The following MCF2L variants were observed in gnomAD, a reference collection of about 807,000 sequenced individuals.
MCF2L encodes the protein MCF.2 cell line derived transforming sequence like.
A neutral mutation model predicts 153.4 loss-of-function variants in MCF2L; 97 were observed. The observed-to-expected ratio is 0.63, with a 90% CI of 0.54 to 0.75. The LOEUF (loss-of-function observed/expected upper bound fraction) is 0.75. Ranked by LOEUF, MCF2L falls within the 30% of genes least tolerant of loss-of-function variation. The pLI is 0.00. For missense variants in MCF2L, 1,347 were observed against 1,495.2 expected (o/e 0.90, Z 1.64); for synonymous variants, 659 against 632.2 (o/e 1.04, Z -0.64).
At position 113,098,951 on chromosome 13, in the gene MCF2L, G is replaced by A. The variant is rs752282050; in HGVS notation, c.*2092G>A. ...GTAACGGAAGAGACAGCCCAGATGT[G>A]TCTGGCTCACAACAGACGTGATCAT... On this transcript the variant is annotated 3_prime_UTR_variant, in exon 30 of 30. Coordinates refer to ENST00000535094, the MANE Select transcript of MCF2L (RefSeq NM_001112732.3). 2 of 152,292 alleles carry A rather than the reference G, an allele frequency of 1.3e-5. No homozygotes were observed. Among genetic ancestry groups the A allele is most frequent in the African/African-American group, 2.4e-5 (1 of 41,464 alleles). 9.4% of individuals were successfully genotyped at this position (152,292 alleles called of 1,614,324 possible). A position where few individuals can be genotyped will look rare whatever the true frequency, so the allele number is the denominator to read the frequency against.
intron 2 of MCF2L, among the ~76,000 whole-genome samples, chr13:113,021,862 G>A (rs1322871846): frequency 6.6e-6 from 1 of 152,214 alleles, no homozygotes; most frequent in Non-Finnish European, 1.5e-5. Flanking sequence ...TTGAGGCTGT[G>A]GTGGAGCACA....
intron 1 of MCF2L, among the ~76,000 whole-genome samples, chr13:112,989,221 G>C (rs1310218372): frequency 4.2e-5 from 3 of 71,484 alleles, no homozygotes; most frequent in Non-Finnish European, 9.5e-5. Flanking sequence ...TACCACACCG[G>C]AGTCCTCCCT....
At chr13:113,044,706 A>G in intron 3 of MCF2L, 1 of 1,612,874 alleles carries the variant, frequency 6.2e-7, no homozygotes, top group Non-Finnish European at 8.5e-7. Flanking sequence ...ACAACGCGCA[A>G]GTGTGGTCTC....
intron 3 of MCF2L, among the ~76,000 whole-genome samples, chr13:113,030,707 C>T (rs2085631329): frequency 6.6e-6 from 1 of 152,226 alleles, no homozygotes; most frequent in South Asian, 2.1e-4. Flanking sequence ...GCCCTTCCTA[C>T]TCCTAATGGA....
At chr13:112,937,334 A>T (rs1394815235) in intron 2 of MCF2L, among the ~76,000 whole-genome samples, 2 of 152,204 alleles carry the variant, frequency 1.3e-5, no homozygotes, top group South Asian at 4.1e-4. Flanking sequence ...GGATGATTAC[A>T]TATATTTTTT....
intron 15 of MCF2L, among the ~76,000 whole-genome samples, chr13:113,079,070 C>T (rs987872851): frequency 6.6e-6 from 1 of 152,188 alleles, no homozygotes; most frequent in African/African-American, 2.4e-5. Flanking sequence ...GGAGACACCA[C>T]TCAAAGGCCC....
intron 26 of MCF2L, among the ~76,000 whole-genome samples, chr13:113,092,252 C>T (rs1438591325): frequency 1.3e-5 from 2 of 152,270 alleles, no homozygotes; most frequent in African/African-American, 4.8e-5. Context: ...CAAGCTCAGC[C>T]TCTGCTTCCG....
At chr13:112,948,333 T>C (rs2081658114) in intron 2 of MCF2L, among the ~76,000 whole-genome samples, 1 of 152,248 alleles carries the variant, frequency 6.6e-6, no homozygotes, top group Non-Finnish European at 1.5e-5. Context: ...TAAATCTTTA[T>C]ATTCTGCTTC....
rs201082981 is a variant in MCF2L, at chr13:112,929,160, T to A, written c.169+26789T>A. ...TGCCTGCACAGGGAGCTCCAGCTGT[T>A]GGCTCATTTTGCCTTTTCCTGCCAT... is the stretch of plus-strand genomic sequence containing the variant. On this transcript the variant is annotated intron_variant, in intron 2 of 29. Coordinates refer to the MCF2L transcript ENST00000375608. Among the ~76,000 whole-genome samples the A allele has an allele frequency of 3.9e-5, 6 of 152,352 alleles. No homozygotes were observed. In the East Asian group the frequency reaches 1.2e-3, roughly 29 times the overall value.
intron 1 of MCF2L, chr13:112,979,428 C>T (rs1486986027): frequency 1.7e-5 from 24 of 1,401,068 alleles, no homozygotes; most frequent in Non-Finnish European, 1.9e-5. Context: ...TCTGGGAGGC[C>T]GGGCACTCTG....
At chr13:113,018,332 C>T (rs1444363533) in intron 2 of MCF2L, among the ~76,000 whole-genome samples, 1 of 152,226 alleles carries the variant, frequency 6.6e-6, no homozygotes, top group Non-Finnish European at 1.5e-5. Context: ...GCCCCAAAAG[C>T]GCTTCGCTTA....
intron 18 of MCF2L, chr13:113,084,434 G>A (rs2034445751): frequency 3.0e-6 from 1 of 337,700 alleles, no homozygotes; most frequent in Non-Finnish European, 5.4e-6. Context: ...AAAACCTTCT[G>A]TGCCCCTAGA....
intron 2 of MCF2L, among the ~76,000 whole-genome samples, chr13:113,020,770 ATATGTGTAGCTGTGTG>A (rs1415219478): frequency 1.3e-5 from 2 of 151,978 alleles, no homozygotes; most frequent in Non-Finnish European, 2.9e-5. Flanking sequence ...ATAACAGTGT[ATATGTGTAGCTGTGTG>A]TATGTGTAGA....
At chr13:113,078,633 G>C (rs112170393) in intron 14 of MCF2L, 33 bp from the exon 15 acceptor site, 2 of 1,597,492 alleles carry the variant, frequency 1.3e-6, no homozygotes, top group Admixed American at 3.4e-5. Context: ...GTTCCGTCCC[G>C]CCTTTCAGAC....
intron 2 of MCF2L, 71 bp from the exon 3 acceptor site, chr13:113,024,573 G>C (rs1216048409): frequency 3.3e-6 from 3 of 900,896 alleles, no homozygotes; most frequent in Admixed American, 3.7e-5. Context: ...TGATGAAAAC[G>C]GGCCGACATC....
In MCF2L at chr13:113,064,999, G is replaced by A. The variant is rs144305393; in HGVS notation, c.670G>A (p.Glu224Lys). Reference protein sequence around the residue: ...TAQMLQSFGTELAETELPNDV... With the variant: ...TAQMLQSFGTKLAETELPNDV... ...TCAGATGCTGCAGTCCTTCGGGACCGAGCTGGCTGAAACAGAGCTGCCCAA... is the reference window on the plus strand; with the variant it reads ...TCAGATGCTGCAGTCCTTCGGGACCAAGCTGGCTGAAACAGAGCTGCCCAA... The change falls in exon 7 of 30, where the codon GAG becomes AAG. Residue 224 changes from glutamate to lysine, a missense_variant. Transcript: ENST00000535094. This position sits in a 1 kb window ranked among gnomAD's most constrained non-coding sequence, Gnocchi z 6.0. 1.4e-4 allele frequency: 220 copies of A among 1,613,040 alleles called. No individual in the cohort carries two copies. Among genetic ancestry groups the A allele is most frequent in the Middle Eastern group, 1.6e-4 (1 of 6,062 alleles).
intron 1 of MCF2L, among the ~76,000 whole-genome samples, chr13:112,988,833 G>C (rs1310162344): frequency 2.8e-4 from 24 of 84,504 alleles, no homozygotes; most frequent in Admixed American, 6.2e-4. Context: ...CTGAGCAGGG[G>C]ATGGAGCTAC....
intron 2 of MCF2L, among the ~76,000 whole-genome samples, chr13:112,914,440 A>G (rs1430216903): frequency 2.0e-5 from 3 of 152,192 alleles, no homozygotes; most frequent in Non-Finnish European, 4.4e-5. Flanking sequence ...GTAGTGGTGC[A>G]ATTAGTAACC....
chr13:112,917,187 G>A (rs569581121), intron 2 of MCF2L: 28 of 471,108 alleles, frequency 5.9e-5, no homozygotes, highest in African/African-American at 1.2e-4. Flanking sequence ...GCTCCAGTCC[G>A]GACCCCTCCC....
Sources: gnomAD v4.1 joint callset for allele counts (sites outside exome capture counted in the v4.1 genomes callset) on GRCh38, gnomAD v4.1.1 for gene constraint, Gnocchi (gnomAD v3.1) non-coding constraint, MANE v1.5 for transcripts, NCBI Gene and HGNC (gene_info 2026-07-23, HGNC 2026-07-21) for gene names.